DIPK1C: variants seen among roughly 807,000 people sequenced by gnomAD.
DIPK1C encodes familial non-conventional Alzheimer's dementia.
A neutral mutation model predicts 28.0 loss-of-function variants in DIPK1C; 33 were observed. The observed-to-expected ratio is 1.18, with a 90% CI of 0.89 to 1.58. DIPK1C has a LOEUF of 1.58. Ranked by LOEUF, DIPK1C falls within the 40% of genes most tolerant of loss-of-function variation. The probability of loss-of-function intolerance (pLI) is 0.00; values close to 1 mark genes in which losing one functional copy is unlikely to be tolerated. For missense variants in DIPK1C, 569 were observed against 568.5 expected (o/e 1.00, Z -0.01); for synonymous variants, 255 against 248.8 (o/e 1.02, Z -0.23).
intron 1 of DIPK1C, among the ~76,000 whole-genome samples, chr18:74,451,179 G>A (rs1327218380): frequency 1.3e-5 from 2 of 152,182 alleles, no homozygotes; most frequent in African/African-American, 4.8e-5. Flanking sequence ...AAGAACTTGT[G>A]CAAAGGCCCC....
Position 74,447,347 on chromosome 18 carries a change from G to A in DIPK1C, c.199-64C>T, listed in dbSNP as rs1426612082. 1.0e-5 allele frequency: 15 copies of A among 1,432,218 alleles called. No individual in the cohort carries two copies. Among genetic ancestry groups the A allele is most frequent in the East Asian group, 2.5e-5 (1 of 40,014 alleles). The allele number at this position is 1,432,218 out of a possible 1,614,324, so 88.7% of individuals were successfully genotyped here. A position where few individuals can be genotyped will look rare whatever the true frequency, so the allele number is the denominator to read the frequency against. Reference sequence around the variant, plus strand: ...CTGGTGCCATCCGTCTCTCGGCTCGGGTTAGGGAAGGGGACAGCCTAGCCT... The same window carrying A: ...CTGGTGCCATCCGTCTCTCGGCTCGAGTTAGGGAAGGGGACAGCCTAGCCT... On this transcript the variant is annotated intron_variant, in intron 1 of 3. Coordinates refer to ENST00000343998, the MANE Select transcript of DIPK1C (RefSeq NM_001044369.3). This position sits in a 1 kb window ranked among gnomAD's most constrained non-coding sequence, Gnocchi z 4.1.
rs763679336 is a variant in DIPK1C at position 74,446,620 on chromosome 18, G to C, written c.862C>G (p.Arg288Gly). 4.8e-6 allele frequency: 7 copies of C among 1,460,152 alleles called. No homozygotes were observed. Among genetic ancestry groups the C allele is most frequent in the Non-Finnish European group, 5.5e-6 (6 of 1,100,486 alleles). 90.4% of individuals were successfully genotyped at this position (1,460,152 alleles called of 1,614,324 possible). A position where few individuals can be genotyped will look rare whatever the true frequency, so the allele number is the denominator to read the frequency against. Residue 288 changes from arginine to glycine, a missense_variant, in exon 2 of 4, where the codon CGG becomes GGG. By Grantham distance (125) the Arg-to-Gly change is moderately radical. Coordinates refer to ENST00000343998, the MANE Select transcript of DIPK1C (RefSeq NM_001044369.3). ...CDIKPENFAI[R>G]SDFTVVAIDV... ...GCGCCACTTACTGTGAAGTCGCTCC[G>C]GATGGCAAAGTTTTCCGGCTTGATG...
chr18:74,444,965 A>G (rs1986226465), intron 2 of DIPK1C, among the ~76,000 whole-genome samples: 2 of 152,228 alleles, frequency 1.3e-5, no homozygotes, highest in South Asian at 4.1e-4. Flanking sequence ...AGGTAAAAGC[A>G]TCTGATGTCG....
chr18:74,443,140 C>A (rs1358267317), intron 2 of DIPK1C, among the ~76,000 whole-genome samples: 1 of 152,186 alleles, frequency 6.6e-6, no homozygotes, highest in African/African-American at 2.4e-5. Context: ...AACCTGATGA[C>A]CCCTGGAACT....
rs907372181 is a variant in DIPK1C at position 74,446,190 on chromosome 18, G to A, written c.876+416C>T. Among the ~76,000 whole-genome samples, 7 of 152,368 alleles carry A rather than the reference G, an allele frequency of 4.6e-5. No individual in the cohort carries two copies. The East Asian group carries it at 5.8e-4, about 13-fold the overall frequency. ...GTCACAGAGCATGGGCAGCTTGAGAGCAGCCTCTCCACACCGGAGGCCATC... is the reference window on the plus strand; with the variant it reads ...GTCACAGAGCATGGGCAGCTTGAGAACAGCCTCTCCACACCGGAGGCCATC... On this transcript the variant is annotated intron_variant, in intron 2 of 3. Transcript: ENST00000343998.
chr18:74,447,158 C>T lies in DIPK1C; in HGVS notation c.324G>A (p.Trp108Ter). Residue 108 changes from tryptophan (W) to a stop codon, truncating the protein, a stop_gained, in exon 2 of 4, where the codon TGG becomes TGA. Coordinates refer to ENST00000343998, the MANE Select transcript of DIPK1C (RefSeq NM_001044369.3). LOFTEE classifies it high-confidence loss of function. This position sits in a 1 kb window ranked among gnomAD's most constrained non-coding sequence, Gnocchi z 4.1. ...NRGKKVLQAD[W>*]RGRPVVLKSK... is the part of the protein sequence containing the mutation. ...ACTTGAGGACCACGGGCCGGCCGCG[C>T]CAGTCGGCCTGCAGCACCTTCTTGC... is the stretch of plus-strand genomic sequence containing the variant. 5 of 1,550,564 alleles carry T rather than the reference C, an allele frequency of 3.2e-6. No individual in the cohort carries two copies. In the South Asian group the frequency reaches 4.8e-5, roughly 15 times the overall value.
chr18:74,457,091 C>T lies in DIPK1C; in HGVS notation c.169G>A (p.Glu57Lys), dbSNP rs1046441759. ...PGVLSERCTD[E>K]KSRRILAALC... ...GCGGCCAGGATGCGCCGGCTCTTCT[C>T]GTCGGTGCAGCGCTCGGAGAGGACA... The change falls in exon 1 of 4, where the codon GAG becomes AAG. Residue 57 changes from glutamate to lysine, a missense_variant. Coordinates refer to ENST00000343998, the MANE Select transcript of DIPK1C (RefSeq NM_001044369.3). 19 of 1,469,530 alleles carry T rather than the reference C, an allele frequency of 1.3e-5. No individual in the cohort carries two copies. In the Admixed American group the frequency reaches 1.5e-4, roughly 11 times the overall value. The allele number at this position is 1,469,530 out of a possible 1,614,324, so 91.0% of individuals were successfully genotyped here.
Position 74,441,945 on chromosome 18 carries a change from C to G in DIPK1C, c.1041+7G>C, listed in dbSNP as rs758007272. ...TCTCCTCCCCCAGCCCTGGCGGACT[C>G]TCATACCTGCAGGTTGTTGTTTACG... On this transcript the variant is annotated splice_region_variant and intron_variant, in intron 3 of 3. Coordinates refer to ENST00000343998, the MANE Select transcript of DIPK1C (RefSeq NM_001044369.3). 1 of 1,611,828 alleles carries G rather than the reference C, an allele frequency of 6.2e-7. No homozygotes were observed. Among genetic ancestry groups the G allele is most frequent in the African/African-American group, 1.3e-5 (1 of 74,782 alleles).
At chr18:74,454,919 G>A (rs901821448) in intron 1 of DIPK1C, among the ~76,000 whole-genome samples, 6 of 152,134 alleles carry the variant, frequency 3.9e-5, no homozygotes, top group African/African-American at 1.4e-4. Context: ...AATGTGTAAA[G>A]AGTAAGGAAC....
chr18:74,461,849 T>G (rs962719736), upstream of DIPK1C, among the ~76,000 whole-genome samples: 3 of 152,164 alleles, frequency 2.0e-5, no homozygotes, highest in Non-Finnish European at 4.4e-5. Flanking sequence ...CTCTACATTC[T>G]AGGCCCAGCC....
In DIPK1C at chr18:74,449,546, C is replaced by G. The variant is rs1440916665; in HGVS notation, c.199-2263G>C. On this transcript the variant is annotated intron_variant, in intron 1 of 3. Coordinates refer to ENST00000343998, the MANE Select transcript of DIPK1C (RefSeq NM_001044369.3). The stretch of plus-strand genomic sequence containing the variant: ...GCCAATGCCAAGCTGTCTGACTGCC[C>G]CCCTGGCTTCCTGCTGCGGGGGTGC... Among the ~76,000 whole-genome samples the G allele has an allele frequency of 5.9e-5, 9 of 152,202 alleles. No homozygotes were observed. In the East Asian group the frequency reaches 1.7e-3, roughly 29 times the overall value.
intron 1 of DIPK1C, among the ~76,000 whole-genome samples, chr18:74,454,581 G>A (rs1366579598): frequency 6.6e-6 from 1 of 152,232 alleles, no homozygotes; most frequent in East Asian, 1.9e-4. Flanking sequence ...GAAAGCTAAT[G>A]AGAGTCTGGA....
intron 3 of DIPK1C, among the ~76,000 whole-genome samples, chr18:74,437,602 C>A (rs929975740): frequency 1.3e-5 from 2 of 152,276 alleles, no homozygotes; most frequent in East Asian, 1.9e-4. Context: ...AGGACAAAAA[C>A]CTTCAACTTC....
intron 3 of DIPK1C, among the ~76,000 whole-genome samples, chr18:74,441,342 G>A (rs1404592239): frequency 6.6e-6 from 1 of 152,132 alleles, no homozygotes; most frequent in Non-Finnish European, 1.5e-5. Flanking sequence ...TCCCTCACCT[G>A]AGAGCCTCAA....
At chr18:74,451,852 A>C (rs1986404398) in intron 1 of DIPK1C, among the ~76,000 whole-genome samples, 2 of 152,126 alleles carry the variant, frequency 1.3e-5, no homozygotes, top group African/African-American at 4.8e-5. Flanking sequence ...AGAGCATTAA[A>C]ACGCACACAG....
At chr18:74,462,704 T>C (rs1180665212), upstream of DIPK1C, among the ~76,000 whole-genome samples, 1 of 151,684 alleles carries the variant, frequency 6.6e-6, no homozygotes, top group African/African-American at 2.4e-5. Flanking sequence ...TTTTCCAAAG[T>C]GGTTGCACCA....
intron 2 of DIPK1C, among the ~76,000 whole-genome samples, chr18:74,442,457 T>C (rs1406968890): frequency 1.3e-5 from 2 of 152,042 alleles, no homozygotes; most frequent in Non-Finnish European, 1.5e-5. Flanking sequence ...GCCTCCAGAG[T>C]AGCTGGGACT....
In DIPK1C at chr18:74,454,819, G is replaced by A. The variant is rs1324473478; in HGVS notation, c.198+2243C>T. On this transcript the variant is annotated intron_variant, in intron 1 of 3. Coordinates refer to ENST00000343998, the MANE Select transcript of DIPK1C (RefSeq NM_001044369.3). ...AGTGTCCTGGGTAAAATTTGAGCCA[G>A]GGCACTGTGTGGATCTCGCATCAAC... Among the ~76,000 whole-genome samples the A allele has an allele frequency of 2.0e-5, 3 of 152,114 alleles. No individual in the cohort carries two copies. In the East Asian group the frequency reaches 5.8e-4, roughly 29 times the overall value.
Position 74,446,892 on chromosome 18 carries a change from A to G in DIPK1C, c.590T>C (p.Val197Ala), listed in dbSNP as rs1986278091. ...CAGGTCCTGCAGCAGGCTGAAGTAGACGTACTCCTCCTGCTGCAGCAGGGC... is the reference window on the plus strand; with the variant it reads ...CAGGTCCTGCAGCAGGCTGAAGTAGGCGTACTCCTCCTGCTGCAGCAGGGC... The part of the protein sequence containing the change: ...LWALLQQEEY[V>A]YFSLLQDLSP... Residue 197 changes from valine to alanine, a missense_variant, in exon 2 of 4, where the codon GTC becomes GCC. Physicochemically the swap from Val to Ala is moderately conservative, Grantham distance 64 (BLOSUM62 0). Transcript: ENST00000343998. 3 of 1,519,198 alleles carry G rather than the reference A, an allele frequency of 2.0e-6. No homozygotes were observed. The highest frequency in any genetic ancestry group is 4.2e-5 in the Admixed American group (2 of 47,988). 94.1% of individuals were successfully genotyped at this position (1,519,198 alleles called of 1,614,324 possible). A position where few individuals can be genotyped will look rare whatever the true frequency, so the allele number is the denominator to read the frequency against.
Sources: allele counts gnomAD v4.1 joint callset (sites outside exome capture counted in the v4.1 genomes callset), GRCh38; gene constraint gnomAD v4.1.1; non-coding constraint Gnocchi (gnomAD v3.1); transcripts MANE v1.5; gene names NCBI Gene and HGNC (gene_info 2026-07-23, HGNC 2026-07-21).